The following LRP1B variants were observed in gnomAD, a reference collection of about 807,000 sequenced individuals.
LRP1B encodes LDL receptor related protein 1B, also known as low-density lipoprotein receptor-related protein 1B.
In LRP1B, 217 loss-of-function variants were observed where a neutral mutation model predicts 556.6. The ratio of observed to expected loss-of-function variants is 0.39; its 90% CI spans 0.35 to 0.44. LRP1B has a LOEUF of 0.44. Among genes scored for constraint, LRP1B ranks in the 20% least tolerant of loss-of-function variants. LRP1B has a pLI of 1.00. For synonymous variants in LRP1B, 2,047 were observed against 1,865.8 expected (o/e 1.10, Z -2.50); for missense variants, 5,053 against 5,620.8 (o/e 0.90, Z 3.23).
At chr2:142,031,596 A>C (rs896263095) in intron 1 of LRP1B, among the ~76,000 whole-genome samples, 1 of 150,116 alleles carries the variant, frequency 6.7e-6, no homozygotes. Flanking sequence ...AGAGAAAAAA[A>C]TGACATATTG....
chr2:141,314,745 G>A (rs889389877), intron 3 of LRP1B, among the ~76,000 whole-genome samples: 7 of 148,554 alleles, frequency 4.7e-5, no homozygotes, highest in African/African-American at 1.7e-4. Flanking sequence ...GAGCCGAGAT[G>A]GCGCCACTGC....
chr2:140,692,811 C>T (rs886743573), intron 41 of LRP1B, among the ~76,000 whole-genome samples: 1 of 152,052 alleles, frequency 6.6e-6, no homozygotes, highest in African/African-American at 2.4e-5. Context: ...ATAAAATATA[C>T]TAAACTTATA....
chr2:141,511,225 C>T (rs1237847432), intron 2 of LRP1B, among the ~76,000 whole-genome samples: 2 of 152,082 alleles, frequency 1.3e-5, no homozygotes, highest in Non-Finnish European at 2.9e-5. Context: ...ATTTATATGT[C>T]TCTAATATGT....
intron 11 of LRP1B, among the ~76,000 whole-genome samples, chr2:141,040,776 G>T (rs1449418443): frequency 6.6e-6 from 1 of 152,096 alleles, no homozygotes; most frequent in Non-Finnish European, 1.5e-5. Flanking sequence ...TTCTGAAGAT[G>T]CTGGGGACAG....
chr2:141,857,089 TATA>T (rs1698077063), intron 1 of LRP1B, among the ~76,000 whole-genome samples: 2 of 152,128 alleles, frequency 1.3e-5, no homozygotes, highest in Admixed American at 6.6e-5. Flanking sequence ...GGGCCTGTTG[TATA>T]ATAGCCATTC....
intron 1 of LRP1B, among the ~76,000 whole-genome samples, chr2:142,055,373 C>A (rs937129731): frequency 6.6e-6 from 1 of 152,002 alleles, no homozygotes; most frequent in African/African-American, 2.4e-5. Context: ...AATAGTCCAA[C>A]ATATTATTTA....
chr2:141,993,429 A>ATTT (rs10678590), intron 1 of LRP1B, among the ~76,000 whole-genome samples: 71 of 151,528 alleles, frequency 4.7e-4, no homozygotes, highest in Middle Eastern at 3.4e-3. Flanking sequence ...GGAGCAGGAA[A>ATTT]TTTTTCCCCT....
chr2:140,881,965 A>G (rs1328977237), intron 25 of LRP1B, among the ~76,000 whole-genome samples: 4 of 152,210 alleles, frequency 2.6e-5, no homozygotes, highest in Non-Finnish European at 5.9e-5. Flanking sequence ...ATCAGTGGAA[A>G]AGGAAGCATC....
intron 7 of LRP1B, among the ~76,000 whole-genome samples, chr2:141,122,454 C>T (rs1418278152): frequency 1.0e-4 from 15 of 150,740 alleles, no homozygotes; most frequent in Non-Finnish European, 1.9e-4. Flanking sequence ...TGAACAGACA[C>T]TTCTCAAAAG....
intron 43 of LRP1B, among the ~76,000 whole-genome samples, chr2:140,546,230 C>A (rs1680333150): frequency 6.6e-6 from 1 of 152,040 alleles, no homozygotes; most frequent in Admixed American, 6.6e-5. Flanking sequence ...TGTCTGCAAA[C>A]AAGGATATTT....
intron 31 of LRP1B, among the ~76,000 whole-genome samples, chr2:140,833,430 A>G (rs1441195384): frequency 6.6e-6 from 1 of 152,198 alleles, no homozygotes; most frequent in Non-Finnish European, 1.5e-5. Flanking sequence ...TGATTCACCA[A>G]AAATTGGTTA....
At chr2:141,277,347 T>C (rs1259184950) in intron 3 of LRP1B, among the ~76,000 whole-genome samples, 2 of 152,214 alleles carry the variant, frequency 1.3e-5, no homozygotes, top group Non-Finnish European at 2.9e-5. Context: ...TGATGTGAGA[T>C]GGTATCTGAC....
At chr2:140,866,371 A>G (rs1340713305) in intron 27 of LRP1B, among the ~76,000 whole-genome samples, 1 of 152,134 alleles carries the variant, frequency 6.6e-6, no homozygotes, top group Non-Finnish European at 1.5e-5. Context: ...ATCAAATTCA[A>G]TATATCTACT....
chr2:140,260,248 G>T (rs987914325), intron 86 of LRP1B, among the ~76,000 whole-genome samples: 2 of 151,812 alleles, frequency 1.3e-5, no homozygotes, highest in Non-Finnish European at 2.9e-5. Flanking sequence ...GAACTGATGT[G>T]ATTTCAGAAG....
intron 35 of LRP1B, among the ~76,000 whole-genome samples, chr2:140,758,659 T>C (rs1382123141): frequency 1.3e-5 from 2 of 152,020 alleles, no homozygotes; most frequent in Non-Finnish European, 2.9e-5. Context: ...TTAAAAATAA[T>C]TGAGTATGCA....
At position 140,932,794 on chromosome 2, in the gene LRP1B, G is replaced by C. The variant is rs551472646; in HGVS notation, c.3137-9647C>G. Among the ~76,000 whole-genome samples, 7 of 150,308 alleles carry C rather than the reference G, an allele frequency of 4.7e-5. No homozygotes were observed. In the East Asian group the frequency reaches 1.2e-3, roughly 26 times the overall value. On this transcript the variant is annotated intron_variant, in intron 20 of 90. Transcript: ENST00000389484. ...CTCAGGAGGCTGAGAGGGGAGGATT[G>C]CTTGAGTTCAGTTTTAGGTTTCAGT... is the stretch of plus-strand genomic sequence containing the variant.
rs143032658 is a variant in LRP1B, at chr2:141,770,793, T to C, written c.205+39486A>G. On this transcript the variant is annotated intron_variant, in intron 2 of 90. Transcript: ENST00000389484. The stretch of plus-strand genomic sequence containing the variant: ...AGGGAGATTGAACTTGGAACCCCTA[T>C]TGATATGTATTCAAGTGTGGAAATG... 7.9e-5 allele frequency among the ~76,000 whole-genome samples: 12 copies of C among 152,288 alleles called. No individual in the cohort carries two copies. The East Asian group carries it at 2.3e-3, about 29-fold the overall frequency.
At chr2:140,710,952 TA>T (rs895920121) in intron 37 of LRP1B, among the ~76,000 whole-genome samples, 8 of 151,990 alleles carry the variant, frequency 5.3e-5, no homozygotes, top group Admixed American at 2.6e-4. Flanking sequence ...ATGTGTTATC[TA>T]ATGAGAGTGA....
intron 3 of LRP1B, among the ~76,000 whole-genome samples, chr2:141,438,099 T>G (rs950979362): frequency 5.9e-5 from 9 of 152,166 alleles, no homozygotes; most frequent in African/African-American, 2.2e-4. Context: ...AATTAACATT[T>G]AAATGTAAAT....
Sources: gnomAD v4.1 joint callset for allele counts (sites outside exome capture counted in the v4.1 genomes callset) on GRCh38, gnomAD v4.1.1 for gene constraint, MANE v1.5 for transcripts, NCBI Gene and HGNC (gene_info 2026-07-23, HGNC 2026-07-21) for gene names.